CYRIA: variants seen among roughly 807,000 people sequenced by gnomAD.
CYRIA encodes the protein CYFIP related Rac1 interactor A.
A neutral mutation model predicts 43.9 loss-of-function variants in CYRIA; 15 were observed. The observed-to-expected ratio is 0.34, with a 90% CI of 0.23 to 0.53. CYRIA has a LOEUF of 0.53. CYRIA is among the 20% of genes least tolerant of loss of function. The probability of loss-of-function intolerance (pLI) is 0.94; values close to 1 mark genes in which losing one functional copy is unlikely to be tolerated. For missense variants in CYRIA, 236 were observed against 394.2 expected (o/e 0.60, Z 3.40); for synonymous variants, 117 against 136.0 (o/e 0.86, Z 0.97).
At chr2:16,559,836 G>A (rs551725612) in intron 9 of CYRIA, among the ~76,000 whole-genome samples, 11 of 152,146 alleles carry the variant, frequency 7.2e-5, no homozygotes, top group South Asian at 2.1e-4. Context: ...GCCCTTCAGC[G>A]GGCTAGCTCA....
intron 1 of CYRIA, among the ~76,000 whole-genome samples, chr2:16,651,450 A>G (rs1361365633): frequency 6.6e-6 from 1 of 152,234 alleles, no homozygotes; most frequent in Non-Finnish European, 1.5e-5. Context: ...AAAAATCCCT[A>G]AACAGTTGCA....
intron 2 of CYRIA, among the ~76,000 whole-genome samples, chr2:16,618,728 G>C (rs1668892486): frequency 6.6e-6 from 1 of 152,180 alleles, no homozygotes; most frequent in Non-Finnish European, 1.5e-5. Context: ...TCTAGAAGTA[G>C]AACCAGCTTC....
chr2:16,619,735 G>A (rs1304506023), intron 2 of CYRIA, among the ~76,000 whole-genome samples: 5 of 152,184 alleles, frequency 3.3e-5, no homozygotes, highest in Non-Finnish European at 7.3e-5. Flanking sequence ...TGAGGAGGTG[G>A]CTACTAATGG....
intron 1 of CYRIA, among the ~76,000 whole-genome samples, chr2:16,652,535 G>A (rs1242176666): frequency 6.6e-6 from 1 of 152,210 alleles, no homozygotes; most frequent in Non-Finnish European, 1.5e-5. Context: ...TAAAGGGAAA[G>A]GCCCTGCCAG....
intron 1 of CYRIA, among the ~76,000 whole-genome samples, chr2:16,654,571 C>G (rs1670055617): frequency 6.6e-6 from 1 of 152,108 alleles, no homozygotes; most frequent in Non-Finnish European, 1.5e-5. Context: ...GTTTTAGAGC[C>G]AGGCCGACTT....
intron 2 of CYRIA, among the ~76,000 whole-genome samples, chr2:16,617,756 C>A (rs1262531467): frequency 6.6e-6 from 1 of 152,214 alleles, no homozygotes; most frequent in East Asian, 1.9e-4. Context: ...AACTCCACAC[C>A]AGGGTCCTGC....
intron 2 of CYRIA, among the ~76,000 whole-genome samples, chr2:16,592,672 T>A (rs1237737997): frequency 6.6e-6 from 1 of 152,126 alleles, no homozygotes; most frequent in East Asian, 1.9e-4. Context: ...AGTAACAATA[T>A]GATGTGTTGA....
rs1051375504 is a variant in CYRIA, at chr2:16,564,077, A to T, written c.210T>A (p.Asn70Lys). The T allele has an allele frequency of 5.0e-6, 8 of 1,613,438 alleles. No homozygotes were observed. Among genetic ancestry groups the T allele is most frequent in the African/African-American group, 1.3e-5 (1 of 74,878 alleles). ...PEIRDAIQNP[N>K]DIQLQEKAWN... is the part of the protein sequence containing the mutation. ...AAGCTTTTTCTTGAAGCTGAATGTC[A>T]TTGGGATTTTGAATTGCCTGCAAAA... Residue 70 changes from asparagine to lysine, a missense_variant, in exon 5 of 12, where the codon AAT becomes AAA. Transcript: ENST00000381323.
chr2:16,651,195 C>A (rs1669966540), intron 1 of CYRIA, among the ~76,000 whole-genome samples: 1 of 152,080 alleles, frequency 6.6e-6, no homozygotes, highest in South Asian at 2.1e-4. Flanking sequence ...CTACCCTGAC[C>A]CAAGCTAGGC....
intron 1 of CYRIA, among the ~76,000 whole-genome samples, chr2:16,657,307 G>A (rs1473612144): frequency 6.6e-6 from 1 of 152,088 alleles, no homozygotes; most frequent in Non-Finnish European, 1.5e-5. Flanking sequence ...AAAATGATGA[G>A]TAAGATTTAA....
rs925383461 is a variant in CYRIA, at chr2:16,565,909, T to C, written c.71-142A>G. On this transcript the variant is annotated intron_variant, in intron 3 of 11. Transcript: ENST00000381323. Reference sequence around the variant, plus strand: ...TTTACTCTTTAACCTAATAAGCTGCTAGGATGCTAGGAAGGGAAAACTGAT... The same window carrying C: ...TTTACTCTTTAACCTAATAAGCTGCCAGGATGCTAGGAAGGGAAAACTGAT... 5.5e-6 allele frequency: 4 copies of C among 730,732 alleles called. No individual in the cohort carries two copies. In the Admixed American group the frequency reaches 1.2e-4, roughly 22 times the overall value. The allele number at this position is 730,732 out of a possible 1,614,324, so 45.3% of individuals were successfully genotyped here.
chr2:16,623,799 T>G (rs1400996676), intron 2 of CYRIA, 65 bp downstream of exon 2: 2 of 152,228 alleles, frequency 1.3e-5, no homozygotes, highest in East Asian at 3.8e-4. Context: ...TACGACATAC[T>G]TCCTGCAGTA....
At chr2:16,658,950 G>A (rs1275701921) in intron 1 of CYRIA, among the ~76,000 whole-genome samples, 3 of 152,182 alleles carry the variant, frequency 2.0e-5, no homozygotes, top group African/African-American at 7.2e-5. Flanking sequence ...GCCTCAACTG[G>A]GAGCGATCCA....
intron 1 of CYRIA, among the ~76,000 whole-genome samples, chr2:16,662,860 C>A (rs912496792): frequency 6.6e-6 from 1 of 152,192 alleles, no homozygotes; most frequent in Non-Finnish European, 1.5e-5. Context: ...TTTATCATAC[C>A]ACCTGTCTAA....
chr2:16,638,648 G>A (rs1457947951), intron 1 of CYRIA, among the ~76,000 whole-genome samples: 1 of 152,206 alleles, frequency 6.6e-6, no homozygotes, highest in Admixed American at 6.5e-5. Flanking sequence ...TGAGGCAGGG[G>A]CTGGGCGGAC....
chr2:16,607,712 T>C (rs937986485), intron 2 of CYRIA, among the ~76,000 whole-genome samples: 3 of 152,166 alleles, frequency 2.0e-5, no homozygotes, highest in African/African-American at 7.2e-5. Flanking sequence ...TTCTCCTGCC[T>C]TAGCCTCCCA....
chr2:16,663,432 G>A (rs1293288857), intron 1 of CYRIA, among the ~76,000 whole-genome samples: 1 of 152,138 alleles, frequency 6.6e-6, no homozygotes, highest in African/African-American at 2.4e-5. Context: ...TGAAGGGACT[G>A]GCAGGGAATG....
At chr2:16,613,568 G>A (rs1318119680) in intron 2 of CYRIA, among the ~76,000 whole-genome samples, 4 of 149,476 alleles carry the variant, frequency 2.7e-5, no homozygotes, top group African/African-American at 1.0e-4. Flanking sequence ...TTACTATATT[G>A]TATATTTCTG....
intron 3 of CYRIA, among the ~76,000 whole-genome samples, chr2:16,573,700 G>C (rs1667222770): frequency 6.6e-6 from 1 of 152,132 alleles, no homozygotes; most frequent in African/African-American, 2.4e-5. Flanking sequence ...TTATAAAGAG[G>C]AGTTCCCCTG....
Sources: allele counts gnomAD v4.1 joint callset (sites outside exome capture counted in the v4.1 genomes callset), GRCh38; gene constraint gnomAD v4.1.1; transcripts MANE v1.5; gene names NCBI Gene and HGNC (gene_info 2026-07-23, HGNC 2026-07-21).